Variants in FMNL2 observed in about 807,000 individuals in gnomAD.
FMNL2 encodes the protein formin-like protein 2.
A neutral mutation model predicts 130.2 loss-of-function variants in FMNL2; 51 were observed. The ratio of observed to expected loss-of-function variants is 0.39; its 90% CI spans 0.31 to 0.49. FMNL2 has a LOEUF of 0.49. FMNL2 is among the 20% of genes least tolerant of loss of function. FMNL2 has a pLI of 0.85. For synonymous variants in FMNL2, 465 were observed against 467.1 expected (o/e 1.00, Z 0.06); for missense variants, 977 against 1,316.2 (o/e 0.74, Z 3.99).
At chr2:152,415,392 A>G (rs779360739) in intron 1 of FMNL2, among the ~76,000 whole-genome samples, 9 of 152,220 alleles carry the variant, frequency 5.9e-5, no homozygotes, top group Non-Finnish European at 1.3e-4. Context: ...TATCTGTACA[A>G]TAGGGATGAT....
At chr2:152,605,748 A>G (rs1698327079) in intron 9 of FMNL2, among the ~76,000 whole-genome samples, 1 of 152,190 alleles carries the variant, frequency 6.6e-6, no homozygotes, top group African/African-American at 2.4e-5. Context: ...AATGCAGTAA[A>G]TGGTGGTCTG....
intron 15 of FMNL2, among the ~76,000 whole-genome samples, chr2:152,623,841 C>G (rs1306028181): frequency 6.6e-6 from 1 of 151,828 alleles, no homozygotes; most frequent in African/African-American, 2.4e-5. Flanking sequence ...TATTCCCGCA[C>G]AGTGAGAGGA....
chr2:152,407,622 AT>A (rs1468189298), intron 1 of FMNL2, among the ~76,000 whole-genome samples: 1 of 151,974 alleles, frequency 6.6e-6, no homozygotes, highest in Non-Finnish European at 1.5e-5. Context: ...TGAATTTTGA[AT>A]TTTTATCTGC....
chr2:152,553,334 C>A (rs1022460742), intron 4 of FMNL2, among the ~76,000 whole-genome samples: 1 of 152,060 alleles, frequency 6.6e-6, no homozygotes, highest in South Asian at 2.1e-4. Context: ...TTATTAAGCA[C>A]GGTGTTAGGT....
rs962226279 is a variant in FMNL2 at position 152,541,471 on chromosome 2, C to T, written c.202-1268C>T. 5.9e-5 allele frequency among the ~76,000 whole-genome samples: 9 copies of T among 151,958 alleles called. No individual in the cohort carries two copies. In the East Asian group the frequency reaches 1.4e-3, roughly 23 times the overall value. On this transcript the variant is annotated intron_variant, in intron 2 of 25. Coordinates refer to ENST00000288670, the MANE Select transcript of FMNL2 (RefSeq NM_052905.4). The stretch of plus-strand genomic sequence containing the variant: ...TCTATATAGAAAAGGTAGTTAAGCC[C>T]GAGAACCAGCATAGTAAGTAGTATA...
At chr2:152,511,927 A>T (rs1247994944) in intron 1 of FMNL2, among the ~76,000 whole-genome samples, 1 of 152,170 alleles carries the variant, frequency 6.6e-6, no homozygotes, top group Non-Finnish European at 1.5e-5. Flanking sequence ...TGGTATCTTC[A>T]GTTATCAAAT....
intron 1 of FMNL2, among the ~76,000 whole-genome samples, chr2:152,427,287 C>T (rs1687248825): frequency 6.6e-6 from 1 of 152,198 alleles, no homozygotes; most frequent in South Asian, 2.1e-4. Context: ...TGGCTCACAC[C>T]TGCAATACCA....
At chr2:152,420,525 C>G (rs557885492) in intron 1 of FMNL2, among the ~76,000 whole-genome samples, 2 of 152,244 alleles carry the variant, frequency 1.3e-5, no homozygotes, top group East Asian at 1.9e-4. Flanking sequence ...AGAATTGTTG[C>G]TTATCTTACA....
At chr2:152,625,845 T>C (rs1297803917) in intron 16 of FMNL2, among the ~76,000 whole-genome samples, 1 of 152,080 alleles carries the variant, frequency 6.6e-6, no homozygotes, top group Non-Finnish European at 1.5e-5. Context: ...CTTCCCTTAA[T>C]TGAGAGAAAG....
rs1216149197 is a variant in FMNL2 at position 152,625,435 on chromosome 2, T to C, written c.1838-3T>C. 2 of 1,604,116 alleles carry C rather than the reference T, an allele frequency of 1.2e-6. No individual in the cohort carries two copies. The highest frequency in any genetic ancestry group is 1.7e-6 in the Non-Finnish European group (2 of 1,172,030). Reference sequence around the variant, plus strand: ...TTAATTCCATTCTCTTTGATGTCTTTAGCTGTGAAAATTAAGAAGCCAATC... The same window carrying C: ...TTAATTCCATTCTCTTTGATGTCTTCAGCTGTGAAAATTAAGAAGCCAATC... On this transcript the variant is annotated splice_region_variant and splice_polypyrimidine_tract_variant and intron_variant, in intron 15 of 25. Transcript: ENST00000288670.
Position 152,621,126 on chromosome 2 carries a change from C to G in FMNL2, c.1837+1408C>G, listed in dbSNP as rs1292705609. ...TGGGTGTGGAAACCCATTATCGTCC[C>G]GTGCACCTGGCCACCCTGATTAGGC... is the stretch of plus-strand genomic sequence containing the variant. On this transcript the variant is annotated intron_variant, in intron 15 of 25. Coordinates refer to ENST00000288670, the MANE Select transcript of FMNL2 (RefSeq NM_052905.4). 5 of 985,278 alleles carry G rather than the reference C, an allele frequency of 5.1e-6. No individual in the cohort carries two copies. The South Asian group carries it at 1.9e-4, about 37-fold the overall frequency. 61.0% of individuals were successfully genotyped at this position (985,278 alleles called of 1,614,324 possible). A position where few individuals can be genotyped will look rare whatever the true frequency, so the allele number is the denominator to read the frequency against.
intron 1 of FMNL2, among the ~76,000 whole-genome samples, chr2:152,432,813 G>A (rs1428403190): frequency 3.3e-5 from 5 of 152,350 alleles, no homozygotes; most frequent in African/African-American, 9.6e-5. Flanking sequence ...GTCCTGCAGT[G>A]TAGGATAATA....
rs1166309888 is a variant in FMNL2 at position 152,649,698 on chromosome 2, G to A, written c.*1793G>A. The A allele has an allele frequency of 6.6e-6, 1 of 152,574 alleles. No individual in the cohort carries two copies. Among genetic ancestry groups the A allele is most frequent in the Non-Finnish European group, 1.5e-5 (1 of 68,008 alleles). 9.5% of individuals were successfully genotyped at this position (152,574 alleles called of 1,614,324 possible). ...ATCTACAAATAGACAACGTTGGCATGTTCTTTTCTGTTTGTCTATTAATGG... is the reference window on the plus strand; with the variant it reads ...ATCTACAAATAGACAACGTTGGCATATTCTTTTCTGTTTGTCTATTAATGG... On this transcript the variant is annotated 3_prime_UTR_variant, in exon 26 of 26. Transcript: ENST00000288670.
chr2:152,411,964 T>C (rs1382132138), intron 1 of FMNL2, among the ~76,000 whole-genome samples: 1 of 152,150 alleles, frequency 6.6e-6, no homozygotes, highest in African/African-American at 2.4e-5. Context: ...TGTGACCCCA[T>C]TGTGGTATTC....
At chr2:152,564,160 GT>G (rs35929790) in intron 6 of FMNL2, among the ~76,000 whole-genome samples, 113,260 of 148,410 alleles carry the variant, frequency 0.76, 43,192 homozygotes, top group East Asian at 0.81. Context: ...AGCACAGGTT[GT>G]TTTTTTTTTT....
rs869219736 is a variant in FMNL2, at chr2:152,478,250, ATT to A, written c.118-43676_118-43675del. Among the ~76,000 whole-genome samples the A allele has an allele frequency of 9.1e-3, 834 of 92,052 alleles. 2 individuals are homozygous for A. The highest frequency in any genetic ancestry group is 0.017 in the South Asian group (41 of 2,400). The allele number at this position is 92,052 out of a possible 152,430, so 60.4% of individuals were successfully genotyped here. A position where few individuals can be genotyped will look rare whatever the true frequency, so the allele number is the denominator to read the frequency against. ...TATACATATATATATATATATATAT[ATT>A]TTTTTTTTTTTTTTTTGAGACAGAG... On this transcript the variant is annotated intron_variant, in intron 1 of 25. Transcript: ENST00000288670.
chr2:152,553,724 A>C (rs575127341), intron 4 of FMNL2, among the ~76,000 whole-genome samples: 1 of 151,650 alleles, frequency 6.6e-6, no homozygotes, highest in African/African-American at 2.4e-5. Context: ...AATACATATA[A>C]AATAAATGTT....
chr2:152,540,176 G>T (rs1191995476), intron 2 of FMNL2, among the ~76,000 whole-genome samples: 1 of 152,050 alleles, frequency 6.6e-6, no homozygotes, highest in Non-Finnish European at 1.5e-5. Flanking sequence ...ATCAGCTGTT[G>T]TCATACATGA....
intron 1 of FMNL2, among the ~76,000 whole-genome samples, chr2:152,376,004 G>A (rs937115708): frequency 6.6e-6 from 1 of 151,380 alleles, no homozygotes; most frequent in Non-Finnish European, 1.5e-5. Context: ...AGCGATTCTC[G>A]TGCCTCAGCC....
Sources: gnomAD v4.1 joint callset for allele counts (sites outside exome capture counted in the v4.1 genomes callset) on GRCh38, gnomAD v4.1.1 for gene constraint, MANE v1.5 for transcripts, NCBI Gene and HGNC (gene_info 2026-07-23, HGNC 2026-07-21) for gene names.